Variants in DAOA observed in about 807,000 individuals in gnomAD.
The protein encoded by DAOA is D-amino acid oxidase regulator.
In DAOA, 15 loss-of-function variants were observed where a neutral mutation model predicts 16.4. The ratio of observed to expected loss-of-function variants is 0.91; its 90% CI spans 0.61 to 1.41. The LOEUF is 1.41. Among genes scored for constraint, DAOA ranks in the 40% most tolerant of loss-of-function variants. DAOA has a pLI of 0.00. For missense variants in DAOA, 230 were observed against 176.8 expected (o/e 1.30, Z -1.71); for synonymous variants, 75 against 59.1 (o/e 1.27, Z -1.23).
chr13:105,482,184 T>C (rs1185720677), intron 4 of DAOA, among the ~76,000 whole-genome samples: 2 of 152,196 alleles, frequency 1.3e-5, no homozygotes, highest in Non-Finnish European at 2.9e-5. Context: ...TTGTGGAAAC[T>C]ACAATTCAAG....
At chr13:105,483,612 T>G (rs1304553274) in intron 4 of DAOA, among the ~76,000 whole-genome samples, 1 of 152,168 alleles carries the variant, frequency 6.6e-6, no homozygotes, top group African/African-American at 2.4e-5. Context: ...ACTAATGATA[T>G]TGAGCATCTT....
intron 4 of DAOA, among the ~76,000 whole-genome samples, chr13:105,479,855 T>G (rs1237915044): frequency 1.3e-5 from 2 of 152,168 alleles, no homozygotes; most frequent in Non-Finnish European, 2.9e-5. Flanking sequence ...ACTCTTGGAA[T>G]TTAGAAGAAG....
intron 3 of DAOA, among the ~76,000 whole-genome samples, chr13:105,470,764 C>T (rs1366151476): frequency 6.6e-6 from 1 of 151,030 alleles, no homozygotes; most frequent in Non-Finnish European, 1.5e-5. Flanking sequence ...CACACACCAC[C>T]ACAACTAGCT....
intron 4 of DAOA, among the ~76,000 whole-genome samples, chr13:105,481,738 T>C (rs1412547049): frequency 6.6e-6 from 1 of 152,176 alleles, no homozygotes; most frequent in Non-Finnish European, 1.5e-5. Context: ...CTCTCCCTTG[T>C]ATCCTTCTCA....
intron 4 of DAOA, among the ~76,000 whole-genome samples, chr13:105,482,664 C>T (rs761923032): frequency 5.9e-5 from 9 of 152,006 alleles, no homozygotes; most frequent in Admixed American, 2.0e-4. Context: ...CCCACCACCA[C>T]GTCTGGCTAC....
At chr13:105,480,603 G>C (rs1877669838) in intron 4 of DAOA, among the ~76,000 whole-genome samples, 1 of 151,942 alleles carries the variant, frequency 6.6e-6, no homozygotes, top group Non-Finnish European at 1.5e-5. Context: ...CGTGATTATA[G>C]AGACTGAAAA....
chr13:105,489,809 C>T (rs754386705), intron 4 of DAOA, 92 bp from the exon 5 acceptor site: 2 of 1,612,242 alleles, frequency 1.2e-6, no homozygotes, highest in Admixed American at 3.3e-5. Context: ...GACTTCTAAC[C>T]AATGGAACAT....
chr13:105,489,965 T>C lies in DAOA; in HGVS notation c.346T>C (p.Tyr116His). 1 of 1,613,762 alleles carries C rather than the reference T, an allele frequency of 6.2e-7. No homozygotes were observed. Among genetic ancestry groups the C allele is most frequent in the Non-Finnish European group, 8.5e-7 (1 of 1,179,868 alleles). The change falls in exon 5 of 6, where the codon TAT (tyrosine) becomes CAT (histidine). Residue 116 changes from tyrosine to histidine, a missense_variant. By Grantham distance (83) the Tyr-to-His change is moderately conservative. Coordinates refer to ENST00000375936, the MANE Select transcript of DAOA (RefSeq NM_172370.5). ...GGCAAGAAACTATGAGTTCCTTGCC[T>C]ATGAGGCCTCTAAGGACCGCAGGCA... ...FMARNYEFLAYEASKDRRQPL... is the reference protein window; with the variant it reads ...FMARNYEFLAHEASKDRRQPL...
chr13:105,470,825 C>G (rs1876883646), intron 3 of DAOA, among the ~76,000 whole-genome samples: 1 of 151,414 alleles, frequency 6.6e-6, no homozygotes, highest in Non-Finnish European at 1.5e-5. Flanking sequence ...GAGTCACGCT[C>G]TGTGGCCCAG....
intron 3 of DAOA, among the ~76,000 whole-genome samples, chr13:105,471,474 T>C (rs991744686): frequency 2.6e-5 from 4 of 152,126 alleles, no homozygotes; most frequent in Non-Finnish European, 2.9e-5. Flanking sequence ...TCCTTTCATA[T>C]AAAAAATAAA....
At chr13:105,467,277 A>C in intron 3 of DAOA, 136 bp downstream of exon 3, 2 of 997,648 alleles carry the variant, frequency 2.0e-6, no homozygotes, top group Non-Finnish European at 2.8e-6. Context: ...ACAGGAAGAA[A>C]ATTTTTCCAG....
chr13:105,477,446 TA>T (rs1455395781), intron 4 of DAOA, among the ~76,000 whole-genome samples: 1 of 152,196 alleles, frequency 6.6e-6, no homozygotes, highest in Non-Finnish European at 1.5e-5. Context: ...AATTAGAAAC[TA>T]ACCAGGCATA....
At chr13:105,472,516 A>G (rs777115608) in intron 3 of DAOA, 22 bp from the exon 4 acceptor site, 5 of 1,609,160 alleles carry the variant, frequency 3.1e-6, no homozygotes, top group East Asian at 4.5e-5. Context: ...TGTATTATAT[A>G]TCCACTTAAA....
chr13:105,477,334 G>T (rs1877406924), intron 4 of DAOA: 1 of 152,170 alleles, frequency 6.6e-6, no homozygotes, highest in South Asian at 2.1e-4. Flanking sequence ...CTCCGGTGCA[G>T]ATTAATTAGT....
chr13:105,473,119 GA>G (rs1877090722), intron 4 of DAOA, among the ~76,000 whole-genome samples: 2 of 151,844 alleles, frequency 1.3e-5, no homozygotes, highest in East Asian at 3.9e-4. Context: ...AATAACATGG[GA>G]AAGGAACAAT....
At chr13:105,480,097 T>C (rs1594113518) in intron 4 of DAOA, among the ~76,000 whole-genome samples, 1 of 152,140 alleles carries the variant, frequency 6.6e-6, no homozygotes, top group Non-Finnish European at 1.5e-5. Flanking sequence ...TAATAACACA[T>C]AGTATTTATC....
chr13:105,481,122 T>C (rs1877715876), intron 4 of DAOA, among the ~76,000 whole-genome samples: 1 of 152,226 alleles, frequency 6.6e-6, no homozygotes, highest in Non-Finnish European at 1.5e-5. Flanking sequence ...AATACTTTTC[T>C]TCTTAGTATT....
chr13:105,466,802 C>A (rs927157709), intron 2 of DAOA, among the ~76,000 whole-genome samples: 2 of 152,062 alleles, frequency 1.3e-5, no homozygotes, highest in African/African-American at 2.4e-5. Flanking sequence ...CCAGTAAGAC[C>A]TGGAGTGAAC....
intron 4 of DAOA, chr13:105,477,069 T>A (rs922619233): frequency 2.0e-5 from 3 of 152,212 alleles, no homozygotes; most frequent in Admixed American, 2.0e-4. Context: ...CCTGTCTGCC[T>A]CCTGTAGTTC....
Sources: allele counts gnomAD v4.1 joint callset (sites outside exome capture counted in the v4.1 genomes callset), GRCh38; gene constraint gnomAD v4.1.1; transcripts MANE v1.5; gene names NCBI Gene and HGNC (gene_info 2026-07-23, HGNC 2026-07-21).